The following GFRA1 variants were observed in gnomAD, a reference collection of about 807,000 sequenced individuals.
GFRA1 encodes the protein GDNF family receptor alpha-1.
GFRA1 carries 16 observed loss-of-function variants against 51.6 expected under a neutral mutation model. The observed-to-expected ratio is 0.31, with a 90% CI of 0.21 to 0.47. The LOEUF is 0.47. Among genes scored for constraint, GFRA1 ranks in the 20% least tolerant of loss-of-function variants. The pLI, the probability that GFRA1 is intolerant of heterozygous loss-of-function variation, is 1.00. For synonymous variants in GFRA1, 270 were observed against 241.3 expected, an observed-to-expected ratio of 1.12 and a Z score of -1.10; for missense variants, 530 against 594.3, an observed-to-expected ratio of 0.89 and a Z score of 1.13.
chr10:116,219,359 A>G (rs1162607612), intron 4 of GFRA1, among the ~76,000 whole-genome samples: 2 of 152,234 alleles, frequency 1.3e-5, no homozygotes, highest in African/African-American at 2.4e-5. Flanking sequence ...CCCAGCTCAC[A>G]GTGTATTTTA....
rs143685926 is a variant in GFRA1 at position 116,118,723 on chromosome 10, T to C, written c.770+6498A>G. 3.4e-3 allele frequency among the ~76,000 whole-genome samples: 520 copies of C among 152,244 alleles called. 3 individuals are homozygous for C. The highest frequency in any genetic ancestry group is 0.012 in the African/African-American group (509 of 41,542). On this transcript the variant is annotated intron_variant, in intron 6 of 10. Coordinates refer to ENST00000355422, the MANE Select transcript of GFRA1 (RefSeq NM_005264.8). The stretch of plus-strand genomic sequence containing the variant: ...GTGCCATGAGTCCATCTGTCCACAA[T>C]GATCAACACAATATGCAAATGCAAA...
At position 116,060,312 on chromosome 10, in the gene GFRA1, G is replaced by C. The variant is rs185046248; in HGVS notation, c.*4086C>G. 8.8e-4 allele frequency: 134 copies of C among 152,240 alleles called. No individual in the cohort carries two copies. The highest frequency in any genetic ancestry group is 3.1e-3 in the African/African-American group (127 of 41,560). 9.4% of individuals were successfully genotyped at this position (152,240 alleles called of 1,614,324 possible). A position where few individuals can be genotyped will look rare whatever the true frequency, so the allele number is the denominator to read the frequency against. On this transcript the variant is annotated 3_prime_UTR_variant, in exon 11 of 11. Coordinates refer to ENST00000355422, the MANE Select transcript of GFRA1 (RefSeq NM_005264.8). ...AGGGTATCCAACCAAATCCCCACTT[G>C]TTTTATTTTAGAATTTCTAATAAGA...
At chr10:116,242,575 G>A (rs1041857739) in intron 4 of GFRA1, among the ~76,000 whole-genome samples, 2 of 151,702 alleles carry the variant, frequency 1.3e-5, no homozygotes, top group Non-Finnish European at 2.9e-5. Flanking sequence ...TCTGACTCCC[G>A]GGTTCAAGCA....
At chr10:116,209,509 T>C (rs1965028441) in intron 5 of GFRA1, among the ~76,000 whole-genome samples, 1 of 152,070 alleles carries the variant, frequency 6.6e-6, no homozygotes, top group Non-Finnish European at 1.5e-5. Context: ...TGGATGCCCA[T>C]GGCGTGTCCA....
chr10:116,126,224 T>C (rs1310825877), intron 5 of GFRA1, among the ~76,000 whole-genome samples: 1 of 152,252 alleles, frequency 6.6e-6, no homozygotes, highest in African/African-American at 2.4e-5. Context: ...GTGGGCTCTA[T>C]GAGTACTGAG....
chr10:116,205,596 G>GAGAGAGAGATATATATAT (rs1964679507), intron 5 of GFRA1, among the ~76,000 whole-genome samples: 2 of 140,560 alleles, frequency 1.4e-5, no homozygotes, highest in African/African-American at 5.2e-5. Context: ...AAAAAAAAAA[G>GAGAGAGAGATATATATAT]ATATATATAT....
upstream of GFRA1, among the ~76,000 whole-genome samples, chr10:116,273,766 C>T (rs1844121662): frequency 6.6e-6 from 1 of 152,146 alleles, no homozygotes; most frequent in South Asian, 2.1e-4. Flanking sequence ...GCAATCGAGC[C>T]AGACCCTTCT....
Position 116,266,062 on chromosome 10 carries a change from T to C in GFRA1, c.418+3441A>G, listed in dbSNP as rs73371098. Reference sequence around the variant, plus strand: ...CACCTTATTTTTGTTCTCCTTCTTGTTCCCAACGGGCCACTGATAATACCT... The same window carrying C: ...CACCTTATTTTTGTTCTCCTTCTTGCTCCCAACGGGCCACTGATAATACCT... On this transcript the variant is annotated intron_variant, in intron 4 of 10. Coordinates refer to ENST00000355422, the MANE Select transcript of GFRA1 (RefSeq NM_005264.8). 1.2e-3 allele frequency among the ~76,000 whole-genome samples: 188 copies of C among 152,312 alleles called. 1 individual carries two copies. The highest frequency in any genetic ancestry group is 4.4e-3 in the African/African-American group (183 of 41,574).
chr10:116,166,005 GTTC>G (rs957135719), intron 5 of GFRA1, among the ~76,000 whole-genome samples: 1 of 152,080 alleles, frequency 6.6e-6, no homozygotes, highest in Non-Finnish European at 1.5e-5. Flanking sequence ...GTGTTTATGT[GTTC>G]TTTTCATTTA....
At chr10:116,218,878 G>A (rs1014827911) in intron 4 of GFRA1, among the ~76,000 whole-genome samples, 8 of 152,108 alleles carry the variant, frequency 5.3e-5, no homozygotes, top group African/African-American at 1.2e-4. Flanking sequence ...AAGTTCTCTC[G>A]TTTTCATTGC....
intron 4 of GFRA1, among the ~76,000 whole-genome samples, chr10:116,260,288 G>A (rs1229334485): frequency 6.6e-6 from 1 of 152,200 alleles, no homozygotes; most frequent in East Asian, 1.9e-4. Context: ...TGAAACACGT[G>A]TCAAGGAAGA....
At chr10:116,164,204 C>T (rs1211500180) in intron 5 of GFRA1, among the ~76,000 whole-genome samples, 2 of 152,140 alleles carry the variant, frequency 1.3e-5, no homozygotes, top group African/African-American at 2.4e-5. Context: ...CATACCCGAA[C>T]TCCTCATTGC....
At chr10:116,210,813 C>G (rs1377234836) in intron 5 of GFRA1, among the ~76,000 whole-genome samples, 1 of 152,194 alleles carries the variant, frequency 6.6e-6, no homozygotes, top group Non-Finnish European at 1.5e-5. Context: ...TCCAGAAAGA[C>G]ACAGCAGATG....
chr10:116,192,270 A>G (rs1048094063), intron 5 of GFRA1, among the ~76,000 whole-genome samples: 1 of 152,114 alleles, frequency 6.6e-6, no homozygotes, highest in Non-Finnish European at 1.5e-5. Context: ...CATTCCTACC[A>G]AAGACTAAGA....
intron 5 of GFRA1, among the ~76,000 whole-genome samples, chr10:116,135,355 T>G (rs1958279157): frequency 6.6e-6 from 1 of 152,256 alleles, no homozygotes; most frequent in African/African-American, 2.4e-5. Context: ...ACTTAGCATT[T>G]AAATCCACAC....
chr10:116,208,643 C>T (rs531730469), intron 5 of GFRA1, among the ~76,000 whole-genome samples: 46 of 152,172 alleles, frequency 3.0e-4, no homozygotes, highest in African/African-American at 1.0e-3. Flanking sequence ...ATCTTTATAC[C>T]GCGCCCACTT....
intron 4 of GFRA1, among the ~76,000 whole-genome samples, chr10:116,216,612 C>A (rs1379046772): frequency 6.6e-6 from 1 of 152,140 alleles, no homozygotes; most frequent in Non-Finnish European, 1.5e-5. Flanking sequence ...TCATACTACT[C>A]TCTCAATTTT....
At chr10:116,082,849 C>T (rs4751949) in intron 9 of GFRA1, among the ~76,000 whole-genome samples, 25,460 of 152,064 alleles carry the variant, frequency 0.17, 2,665 homozygotes, top group East Asian at 0.47. Context: ...TCTGTGGCCC[C>T]CCTGCTCCTG....
At chr10:116,162,708 T>C (rs946446524) in intron 5 of GFRA1, among the ~76,000 whole-genome samples, 1 of 152,228 alleles carries the variant, frequency 6.6e-6, no homozygotes, top group African/African-American at 2.4e-5. Flanking sequence ...CCAAAGAACT[T>C]TGTGTTGTGA....
Sources: allele counts gnomAD v4.1 joint callset (sites outside exome capture counted in the v4.1 genomes callset), GRCh38; gene constraint gnomAD v4.1.1; transcripts MANE v1.5; gene names NCBI Gene and HGNC (gene_info 2026-07-23, HGNC 2026-07-21).